Variants in ZNF565 observed in about 807,000 individuals in gnomAD.
ZNF565 encodes zinc finger protein 565.
ZNF565 carries 27 observed loss-of-function variants against 39.4 expected under a neutral mutation model. The observed-to-expected ratio is 0.69, with a 90% CI of 0.51 to 0.95. The LOEUF (loss-of-function observed/expected upper bound fraction) is 0.95. Ranked by LOEUF, ZNF565 falls within the 40% of genes least tolerant of loss-of-function variation. The pLI, the probability that ZNF565 is intolerant of heterozygous loss-of-function variation, is 0.00. For missense variants in ZNF565, 524 were observed against 621.1 expected, an observed-to-expected ratio of 0.84 and a Z score of 1.66; for synonymous variants, 185 against 216.6, an observed-to-expected ratio of 0.85 and a Z score of 1.28.
chr19:36,183,875 G>A (rs923080051), intron 4 of ZNF565, 142 bp from the exon 5 acceptor site: 9 of 702,128 alleles, frequency 1.3e-5, no homozygotes, highest in African/African-American at 9.0e-5. Flanking sequence ...TCACAAGGTC[G>A]GGAGTTCACC....
Position 36,210,200 on chromosome 19 carries a change from C to G in ZNF565, c.-66+4422G>C, listed in dbSNP as rs80345451. 3.9e-3 allele frequency among the ~76,000 whole-genome samples: 589 copies of G among 151,884 alleles called. 36 individuals carry two copies. The East Asian group carries it at 0.098, about 25-fold the overall frequency. On this transcript the variant is annotated intron_variant, in intron 1 of 4. Coordinates refer to ENST00000304116, the MANE Select transcript of ZNF565 (RefSeq NM_152477.5). ...CTTTGGGAGGCAGAGGCAGGAGGAT[C>G]ACCTGAGGTCAGGAGTTTGAGACCA...
At chr19:36,197,945 C>T (rs1389203483) in intron 2 of ZNF565, among the ~76,000 whole-genome samples, 3 of 151,838 alleles carry the variant, frequency 2.0e-5, no homozygotes, top group African/African-American at 7.3e-5. Context: ...GTCAAGAGTT[C>T]GAGACCAGCC....
intron 1 of ZNF565, among the ~76,000 whole-genome samples, chr19:36,221,679 C>T (rs1421741763): frequency 6.6e-6 from 1 of 152,116 alleles, no homozygotes; most frequent in Non-Finnish European, 1.5e-5. Flanking sequence ...ACAGAGATAT[C>T]TCATTCTGCT....
chr19:36,189,407 C>A (rs528566600), intron 4 of ZNF565, among the ~76,000 whole-genome samples: 1 of 151,774 alleles, frequency 6.6e-6, no homozygotes, highest in African/African-American at 2.4e-5. Flanking sequence ...CTCCGCCTCC[C>A]GGGTTCAAAC....
chr19:36,233,003 T>TA (rs1977455455), intron 1 of ZNF565, among the ~76,000 whole-genome samples: 1 of 152,242 alleles, frequency 6.6e-6, no homozygotes, highest in Admixed American at 6.5e-5. Context: ...CACGCTTTTG[T>TA]ATGTCCGTAT....
rs185934290 is a variant in ZNF565 at position 36,232,466 on chromosome 19, G to A, written c.55+13010C>T. Among the ~76,000 whole-genome samples, 740 of 152,102 alleles carry A rather than the reference G, an allele frequency of 4.9e-3. 6 individuals carry two copies. The highest frequency in any genetic ancestry group is 9.8e-3 in the Admixed American group (149 of 15,264). On this transcript the variant is annotated intron_variant, in intron 1 of 4. Transcript: ENST00000355114. ...CTTAAACATGGTTTTAGATTTTGCC[G>A]TCTATAGTCTGCATTATAATCCGGT...
intron 4 of ZNF565, among the ~76,000 whole-genome samples, chr19:36,184,159 T>A (rs1975205892): frequency 6.7e-6 from 1 of 148,516 alleles, no homozygotes; most frequent in Non-Finnish European, 1.5e-5. Context: ...ATGCCTTATA[T>A]ACATCTCAAA....
upstream of ZNF565, among the ~76,000 whole-genome samples, chr19:36,218,386 A>AG (rs1976700824): frequency 6.6e-6 from 1 of 152,160 alleles, no homozygotes; most frequent in African/African-American, 2.4e-5. Flanking sequence ...TGCAAAAAAA[A>AG]TGCTTCCTCA....
chr19:36,200,681 G>GT (rs1228676483), intron 2 of ZNF565, among the ~76,000 whole-genome samples: 1 of 151,298 alleles, frequency 6.6e-6, no homozygotes, highest in Non-Finnish European at 1.5e-5. Context: ...TAGAGACGGG[G>GT]TTTCACCATG....
At chr19:36,237,458 A>G in intron 1 of ZNF565, 2 of 1,058,678 alleles carry the variant, frequency 1.9e-6, no homozygotes, top group South Asian at 1.9e-5. Flanking sequence ...AAGGGACACC[A>G]GAAAATTTGT....
At chr19:36,200,095 G>C (rs969457495) in intron 2 of ZNF565, among the ~76,000 whole-genome samples, 5 of 151,348 alleles carry the variant, frequency 3.3e-5, no homozygotes, top group African/African-American at 1.2e-4. Flanking sequence ...ATGCAATCTT[G>C]GCTCACTGCA....
rs778439298 is a variant in ZNF565 at position 36,195,149 on chromosome 19, A to C, written c.17T>G (p.Val6Gly). 1.2e-6 allele frequency: 2 copies of C among 1,613,654 alleles called. No individual in the cohort carries two copies. Among genetic ancestry groups the C allele is most frequent in the South Asian group, 2.2e-5 (2 of 91,078 alleles). MAQGL[V>G]TFRDVAIEFS... ...CTCTATGGCCACGTCCCTGAATGTCACCAGTCCCTGAAACAATAAACCCAC... is the reference window on the plus strand; with the variant it reads ...CTCTATGGCCACGTCCCTGAATGTCCCCAGTCCCTGAAACAATAAACCCAC... The change falls in exon 3 of 5, where the codon GTG becomes GGG. Residue 6 changes from valine (V) to glycine (G), a missense_variant. Physicochemically the swap from Val to Gly is moderately radical, Grantham distance 109. Coordinates refer to ENST00000304116, the MANE Select transcript of ZNF565 (RefSeq NM_152477.5).
chr19:36,231,081 G>A (rs1447381159), intron 1 of ZNF565, among the ~76,000 whole-genome samples: 1 of 152,102 alleles, frequency 6.6e-6, no homozygotes, highest in Non-Finnish European at 1.5e-5. Flanking sequence ...CCTCAAGAAG[G>A]ATATACGTGA....
intron 1 of ZNF565, among the ~76,000 whole-genome samples, chr19:36,209,220 G>C (rs1296068196): frequency 1.3e-5 from 2 of 152,120 alleles, no homozygotes; most frequent in African/African-American, 4.8e-5. Flanking sequence ...TAGGTAAGTG[G>C]GAACTGGGTA....
chr19:36,184,464 C>T (rs1416970753), intron 4 of ZNF565, among the ~76,000 whole-genome samples: 1 of 151,990 alleles, frequency 6.6e-6, no homozygotes, highest in African/African-American at 2.4e-5. Flanking sequence ...GGGGTTTCAC[C>T]ATATTGGCCA....
At chr19:36,211,449 TCA>T (rs370230430) in intron 1 of ZNF565, among the ~76,000 whole-genome samples, 6,454 of 137,616 alleles carry the variant, frequency 0.047, 154 homozygotes, top group Non-Finnish European at 0.055. Flanking sequence ...CAACTCTCTC[TCA>T]CACACACACA....
At chr19:36,187,664 GTCTT>G (rs1975357050) in intron 4 of ZNF565, among the ~76,000 whole-genome samples, 1 of 141,310 alleles carries the variant, frequency 7.1e-6, no homozygotes, top group African/African-American at 2.7e-5. Flanking sequence ...CCGAGACAGA[GTCTT>G]GCTCTGTCGC....
chr19:36,218,448 G>T (rs1976703209), upstream of ZNF565, among the ~76,000 whole-genome samples: 1 of 151,678 alleles, frequency 6.6e-6, no homozygotes, highest in Non-Finnish European at 1.5e-5. Flanking sequence ...AATAAGATAT[G>T]TAGATGCACT....
In ZNF565 at chr19:36,183,244, T is replaced by C. The variant is rs1320352802; in HGVS notation, c.722A>G (p.His241Arg). ...TTTGACACCAGTATGAAGTCTCTGA[T>C]GTAGAATAAGTTCTGATGTACGACC... ...AFGRTSELIL[H>R]QRLHTGVKPY... is the part of the protein sequence containing the mutation. The change falls in exon 5 of 5, where the codon CAT (histidine) becomes CGT (arginine). Residue 241 changes from histidine (H) to arginine (R), a missense_variant. Physicochemically the swap from His to Arg is conservative, Grantham distance 29. Transcript: ENST00000304116. 1.2e-6 allele frequency: 2 copies of C among 1,614,082 alleles called. No individual in the cohort carries two copies. The highest frequency in any genetic ancestry group is 1.1e-5 in the South Asian group (1 of 91,094).
Sources: allele counts gnomAD v4.1 joint callset (sites outside exome capture counted in the v4.1 genomes callset), GRCh38; gene constraint gnomAD v4.1.1; transcripts MANE v1.5; gene names NCBI Gene and HGNC (gene_info 2026-07-23, HGNC 2026-07-21).